NTRK3: variants seen among roughly 807,000 people sequenced by gnomAD.
NTRK3 encodes neurotrophic receptor tyrosine kinase 3, also known as NT-3 growth factor receptor.
Under a neutral mutation model 91.7 loss-of-function variants are expected in NTRK3, and 24 were observed. The observed-to-expected ratio is 0.26, with a 90% CI of 0.19 to 0.37. The LOEUF is 0.37. Among genes scored for constraint, NTRK3 ranks in the 10% least tolerant of loss-of-function variants. NTRK3 has a pLI of 1.00. For synonymous variants in NTRK3, 483 were observed against 404.0 expected (o/e 1.20, Z -2.34); for missense variants, 880 against 1,068.9 (o/e 0.82, Z 2.46).
chr15:88,218,341 T>C (rs763830576), intron 3 of NTRK3, among the ~76,000 whole-genome samples: 43 of 152,178 alleles, frequency 2.8e-4, no homozygotes, highest in Admixed American at 5.9e-4. Context: ...ACCCAGGCTA[T>C]GGGGCCAGGC....
At chr15:87,940,857 C>T in intron 14 of NTRK3, 104 bp from the exon 15 acceptor site, 1 of 1,545,324 alleles carries the variant, frequency 6.5e-7, no homozygotes, top group African/African-American at 1.4e-5. Context: ...TGGTTCTGAG[C>T]CTACAGCAGG....
chr15:87,984,520 T>C (rs1328133981), intron 14 of NTRK3, among the ~76,000 whole-genome samples: 3 of 152,224 alleles, frequency 2.0e-5, no homozygotes, highest in Non-Finnish European at 2.9e-5. Context: ...CCGAGGTGAG[T>C]GAGCCCCAAA....
chr15:87,957,592 G>A (rs1257051597), intron 14 of NTRK3, among the ~76,000 whole-genome samples: 3 of 151,972 alleles, frequency 2.0e-5, no homozygotes, highest in Admixed American at 6.6e-5. Context: ...AGGAGCTCTT[G>A]GAAAATAGAG....
intron 3 of NTRK3, among the ~76,000 whole-genome samples, chr15:88,223,707 C>G (rs983691691): frequency 1.3e-5 from 2 of 152,222 alleles, no homozygotes; most frequent in African/African-American, 4.8e-5. Context: ...ATAATACCGT[C>G]TACCTCCTTG....
At chr15:88,053,408 T>C (rs899032193) in intron 13 of NTRK3, among the ~76,000 whole-genome samples, 5 of 152,214 alleles carry the variant, frequency 3.3e-5, no homozygotes, top group Admixed American at 1.3e-4. Context: ...TTCCTGGGAC[T>C]GACAGCCGGA....
intron 13 of NTRK3, among the ~76,000 whole-genome samples, chr15:88,057,168 C>CAA (rs547432747): frequency 1.7e-5 from 1 of 59,160 alleles, no homozygotes; most frequent in Non-Finnish European, 3.4e-5. Flanking sequence ...AACTCCGTCT[C>CAA]AAAAAAAAAA....
chr15:87,936,157 T>C (rs1343631430), intron 15 of NTRK3, among the ~76,000 whole-genome samples: 2 of 152,196 alleles, frequency 1.3e-5, no homozygotes, highest in African/African-American at 4.8e-5. Context: ...GTCAGTGGCA[T>C]GGGAAAGAAC....
intron 5 of NTRK3, among the ~76,000 whole-genome samples, chr15:88,158,541 A>T (rs2044134072): frequency 6.6e-6 from 1 of 152,238 alleles, no homozygotes; most frequent in Non-Finnish European, 1.5e-5. Flanking sequence ...CCGCTGCAGC[A>T]CAAGGCCACC....
At chr15:87,887,490 G>A (rs1388109421) in intron 17 of NTRK3, among the ~76,000 whole-genome samples, 7 of 152,132 alleles carry the variant, frequency 4.6e-5, no homozygotes, top group East Asian at 1.9e-4. Flanking sequence ...ATTGAGCATC[G>A]TTAAGTGCAA....
intron 3 of NTRK3, among the ~76,000 whole-genome samples, chr15:88,211,029 A>C (rs962144137): frequency 2.0e-5 from 3 of 152,208 alleles, no homozygotes; most frequent in African/African-American, 7.2e-5. Flanking sequence ...TTGAGGGCAA[A>C]TTTACATAAC....
chr15:88,178,690 TG>T (rs1196028217), intron 5 of NTRK3, among the ~76,000 whole-genome samples: 2 of 152,228 alleles, frequency 1.3e-5, no homozygotes, highest in African/African-American at 2.4e-5. Context: ...TAAATATTCT[TG>T]GAAATAAGTA....
At chr15:87,951,623 G>A (rs1416957589) in intron 14 of NTRK3, among the ~76,000 whole-genome samples, 1 of 152,174 alleles carries the variant, frequency 6.6e-6, no homozygotes, top group East Asian at 1.9e-4. Flanking sequence ...CCTAGGAAAT[G>A]AACAGGTCAC....
At chr15:87,900,071 C>T (rs1040442951) in intron 17 of NTRK3, among the ~76,000 whole-genome samples, 2 of 152,122 alleles carry the variant, frequency 1.3e-5, no homozygotes, top group Admixed American at 1.3e-4. Flanking sequence ...GGACCACAGA[C>T]ATGAAACAGT....
At chr15:87,865,755 T>A (rs558824797) in exon 19 of NTRK3, 1 of 226,378 alleles carries the variant, frequency 4.4e-6, no homozygotes, top group Non-Finnish European at 8.8e-6. Context: ...CTACAAAATG[T>A]CAGAGTTCCA....
At chr15:88,186,978 G>T (rs765441707) in intron 3 of NTRK3, among the ~76,000 whole-genome samples, 5 of 152,152 alleles carry the variant, frequency 3.3e-5, no homozygotes, top group Non-Finnish European at 7.3e-5. Context: ...TAAAATAACT[G>T]CCTCGTAAGA....
At chr15:87,902,094 C>G (rs1485056158) in intron 17 of NTRK3, among the ~76,000 whole-genome samples, 1 of 152,178 alleles carries the variant, frequency 6.6e-6, no homozygotes, top group Non-Finnish European at 1.5e-5. Flanking sequence ...ATATCTAAAT[C>G]AGCAGATTCA....
intron 10 of NTRK3, among the ~76,000 whole-genome samples, chr15:88,133,078 G>A (rs892119908): frequency 6.6e-6 from 1 of 152,162 alleles, no homozygotes; most frequent in Non-Finnish European, 1.5e-5. Flanking sequence ...CCGTAGATGT[G>A]AGTGGCGCTT....
intron 13 of NTRK3, among the ~76,000 whole-genome samples, chr15:88,107,190 C>A (rs1254417130): frequency 6.6e-6 from 1 of 152,008 alleles, no homozygotes; most frequent in African/African-American, 2.4e-5. Context: ...CATGTGTAAT[C>A]CCAGCTCTTT....
intron 17 of NTRK3, among the ~76,000 whole-genome samples, chr15:87,910,496 A>C (rs538186809): frequency 6.6e-6 from 1 of 152,302 alleles, no homozygotes; most frequent in South Asian, 2.1e-4. Context: ...TTTATTTAAA[A>C]CATGCCGTGT....
Sources: gnomAD v4.1 joint callset for allele counts (sites outside exome capture counted in the v4.1 genomes callset) on GRCh38, gnomAD v4.1.1 for gene constraint, MANE v1.5 for transcripts, NCBI Gene and HGNC (gene_info 2026-07-23, HGNC 2026-07-21) for gene names.